HEATR5A: variants seen among roughly 807,000 people sequenced by gnomAD.
HEATR5A encodes HEAT repeat-containing protein 5A.
In HEATR5A, 178 loss-of-function variants were observed where a neutral mutation model predicts 218.8. The observed-to-expected ratio is 0.81, with a 90% confidence interval of 0.72 to 0.92. HEATR5A has a LOEUF of 0.92. Among genes scored for constraint, HEATR5A ranks in the 40% least tolerant of loss-of-function variants. The pLI is 0.00. For missense variants in HEATR5A, 2,420 were observed against 2,418.9 expected (o/e 1.00, Z -0.01); for synonymous variants, 864 against 871.6 (o/e 0.99, Z 0.15).
At chr14:31,363,585 A>C (rs1031141709) in intron 14 of HEATR5A, among the ~76,000 whole-genome samples, 1 of 152,200 alleles carries the variant, frequency 6.6e-6, no homozygotes, top group Non-Finnish European at 1.5e-5. Context: ...CTGTCAAATA[A>C]GAAAAATGTA....
At position 31,315,877 on chromosome 14, in the gene HEATR5A, C is replaced by A. The variant is rs764039238; in HGVS notation, c.4111G>T (p.Val1371Phe). 2 of 1,602,426 alleles carry A rather than the reference C, an allele frequency of 1.2e-6. No homozygotes were observed. The highest frequency in any genetic ancestry group is 1.7e-6 in the Non-Finnish European group (2 of 1,174,012). ...NDLRRVHQLLVSSLTKIQAGK... is the reference protein window; with the variant it reads ...NDLRRVHQLLFSSLTKIQAGK... ...GCCTGTATTTTAGTTAACGATGAAA[C>A]AAGCAACTGATGAACTCTTCGGAGA... The change falls in exon 27 of 36, where the codon GTT (valine) becomes TTT (phenylalanine). Residue 1371 changes from valine to phenylalanine, a missense_variant. Val to Phe is a conservative substitution (Grantham distance 50, BLOSUM62 -1). Coordinates refer to ENST00000543095, the MANE Select transcript of HEATR5A (RefSeq NM_015473.4).
intron 9 of HEATR5A, among the ~76,000 whole-genome samples, chr14:31,384,378 G>T (rs1346283899): frequency 6.6e-6 from 1 of 151,216 alleles, no homozygotes; most frequent in Non-Finnish European, 1.5e-5. Flanking sequence ...AGGGTGGCGG[G>T]ACTTGCAGTG....
At chr14:31,337,440 A>G (rs1308384082) in intron 22 of HEATR5A, 36 bp downstream of exon 22, 1 of 1,512,758 alleles carries the variant, frequency 6.6e-7, no homozygotes, top group Admixed American at 2.1e-5. Flanking sequence ...AAAAATAATC[A>G]TTTGAGCTGG....
chr14:31,308,131 A>G, intron 29 of HEATR5A, 111 bp from the exon 30 acceptor site: 1 of 951,724 alleles, frequency 1.1e-6, no homozygotes, highest in East Asian at 2.7e-5. Context: ...TAAAAAGGTA[A>G]TACAAATAAA....
intron 21 of HEATR5A, among the ~76,000 whole-genome samples, chr14:31,338,712 T>C (rs1900743344): frequency 6.6e-6 from 1 of 152,190 alleles, no homozygotes; most frequent in Non-Finnish European, 1.5e-5. Context: ...TGGCAATCTT[T>C]AGATTTGGCA....
In HEATR5A at chr14:31,388,948, C is replaced by T; in HGVS notation, c.830G>A (p.Gly277Glu). ...TGAACTCCCACGTAGAAACCCTGTT[C>T]CTAGTAATTCCAGAACTTCCTCCAA... ...VSLEEVLELL[G>E]TGFLRGSSGF... is the part of the protein sequence containing the mutation. Residue 277 changes from glycine (G) to glutamate (E), a missense_variant, in exon 7 of 36, where the codon GGA becomes GAA. Gly to Glu is a moderately conservative substitution (Grantham distance 98). Transcript: ENST00000543095. 1 of 1,613,526 alleles carries T rather than the reference C, an allele frequency of 6.2e-7. No homozygotes were observed. Among genetic ancestry groups the T allele is most frequent in the Non-Finnish European group, 8.5e-7 (1 of 1,179,496 alleles).
chr14:31,318,140 A>G, intron 26 of HEATR5A, 84 bp downstream of exon 26: 3 of 1,165,122 alleles, frequency 2.6e-6, no homozygotes, highest in African/African-American at 1.5e-5. Context: ...AGACAACCAT[A>G]AAGAAAAAAC....
chr14:31,417,045 C>G (rs1007274253), intron 1 of HEATR5A, among the ~76,000 whole-genome samples: 1 of 151,266 alleles, frequency 6.6e-6, no homozygotes, highest in Non-Finnish European at 1.5e-5. Flanking sequence ...GACTCTGTCT[C>G]AAAAAATAAA....
rs1251260381 is a variant in HEATR5A, at chr14:31,337,475, C to T, written c.3367+1G>A. ...GACATAATCTTGATCAAGAGAATTA[C>T]CTGGAGTCAACTCTTCTCTGCTATC... On this transcript the variant is annotated splice_donor_variant, in intron 22 of 35. Coordinates refer to ENST00000543095, the MANE Select transcript of HEATR5A (RefSeq NM_015473.4). LOFTEE classifies it high-confidence loss of function. 6.5e-7 allele frequency: 1 copy of T among 1,548,498 alleles called. No individual in the cohort carries two copies. Among genetic ancestry groups the T allele is most frequent in the Admixed American group, 2.0e-5 (1 of 50,554 alleles).
chr14:31,354,838 A>G (rs1470990440), intron 16 of HEATR5A, among the ~76,000 whole-genome samples: 1 of 152,142 alleles, frequency 6.6e-6, no homozygotes, highest in Admixed American at 6.6e-5. Flanking sequence ...ATAATGGCAA[A>G]ATTTTTTACT....
At chr14:31,411,447 G>A (rs892959938) in intron 1 of HEATR5A, among the ~76,000 whole-genome samples, 2 of 152,168 alleles carry the variant, frequency 1.3e-5, no homozygotes, top group African/African-American at 2.4e-5. Flanking sequence ...AACTACGAGT[G>A]CAGAAGTTTT....
intron 1 of HEATR5A, among the ~76,000 whole-genome samples, chr14:31,405,264 T>G (rs986101981): frequency 2.6e-5 from 4 of 151,888 alleles, no homozygotes; most frequent in Admixed American, 2.0e-4. Flanking sequence ...CAAAACCCCA[T>G]CTCTACGAAA....
intron 28 of HEATR5A, among the ~76,000 whole-genome samples, 156 bp downstream of exon 28, chr14:31,312,812 C>T (rs989959829): frequency 1.6e-4 from 25 of 151,978 alleles, no homozygotes; most frequent in African/African-American, 5.5e-4. Context: ...GTGGGAGGAT[C>T]GCCTGAGCCC....
At chr14:31,414,048 G>T (rs546823981) in intron 1 of HEATR5A, among the ~76,000 whole-genome samples, 29 of 152,260 alleles carry the variant, frequency 1.9e-4, no homozygotes, top group African/African-American at 7.0e-4. Context: ...AAATCAATAA[G>T]TACTAAAAGT....
At chr14:31,379,619 G>C (rs1039954902) in intron 11 of HEATR5A, among the ~76,000 whole-genome samples, 6 of 152,204 alleles carry the variant, frequency 3.9e-5, no homozygotes, top group Middle Eastern at 3.4e-3. Flanking sequence ...GTGTGATAGA[G>C]TAATAAAATT....
Position 31,358,768 on chromosome 14 carries a change from G to T in HEATR5A, c.2280C>A (p.Asp760Glu), listed in dbSNP as rs969705581. ...CATCTTTCTCATAAATCGAATAAGG[G>T]TCATATTCAAGACTTCCGCAAGCAA... The part of the protein sequence containing the change: ...NGVACGSLEY[D>E]PYSIYEKDVE... Residue 760 changes from aspartate to glutamate, a missense_variant, in exon 16 of 36, where the codon GAC (aspartate) becomes GAA (glutamate). Transcript: ENST00000543095. 1 of 1,613,876 alleles carries T rather than the reference G, an allele frequency of 6.2e-7. No individual in the cohort carries two copies.
intron 1 of HEATR5A, among the ~76,000 whole-genome samples, chr14:31,403,468 C>A (rs1006938704): frequency 6.6e-6 from 1 of 152,202 alleles, no homozygotes; most frequent in African/African-American, 2.4e-5. Context: ...AGCTTGCCAT[C>A]TCTCTGAGCC....
chr14:31,365,168 C>T (rs565564519), intron 13 of HEATR5A, among the ~76,000 whole-genome samples: 7 of 151,718 alleles, frequency 4.6e-5, no homozygotes, highest in African/African-American at 1.2e-4. Flanking sequence ...CCACTGCACC[C>T]GGCCAGGACT....
In HEATR5A at chr14:31,345,100, A is replaced by ACCT; in HGVS notation, c.3042_3044dup (p.Gly1015dup). On this transcript the variant is annotated inframe_insertion, in exon 20 of 36. Coordinates refer to ENST00000543095, the MANE Select transcript of HEATR5A (RefSeq NM_015473.4). ...AGCTATGCACACCTTGTAGCTCTGG[A>ACCT]CCTAACGTGGTAATAAGGGCATTCA... The ACCT allele has an allele frequency of 6.2e-7, 1 of 1,613,140 alleles. No homozygotes were observed. Among genetic ancestry groups the ACCT allele is most frequent in the Non-Finnish European group, 8.5e-7 (1 of 1,179,708 alleles).
Sources: gnomAD v4.1 joint callset for allele counts (sites outside exome capture counted in the v4.1 genomes callset) on GRCh38, gnomAD v4.1.1 for gene constraint, MANE v1.5 for transcripts, NCBI Gene and HGNC (gene_info 2026-07-23, HGNC 2026-07-21) for gene names.